The following SNX10 variants were observed in gnomAD, a reference collection of about 807,000 sequenced individuals.
SNX10 encodes the protein sorting nexin 10.
Under a neutral mutation model 28.5 loss-of-function variants are expected in SNX10, and 25 were observed. That is an observed-to-expected ratio of 0.88 (90% CI 0.64 to 1.22). The LOEUF (loss-of-function observed/expected upper bound fraction) is 1.22, where lower values mean the gene tolerates loss of function less well. Among genes scored for constraint, SNX10 ranks in the 50% most tolerant of loss-of-function variants. The pLI, the probability that SNX10 is intolerant of heterozygous loss-of-function variation, is 0.00. For synonymous variants in SNX10, 62 were observed against 81.4 expected (o/e 0.76, Z 1.28); for missense variants, 223 against 242.6 (o/e 0.92, Z 0.54).
intron 2 of SNX10, among the ~76,000 whole-genome samples, chr7:26,350,944 CT>C (rs371600901): frequency 1.9e-4 from 29 of 149,206 alleles, no homozygotes; most frequent in African/African-American, 3.2e-4. Flanking sequence ...ATCTTCATTC[CT>C]TTTTTTTTTC....
intron 3 of SNX10, among the ~76,000 whole-genome samples, chr7:26,361,450 A>G (rs1375706002): frequency 6.6e-6 from 1 of 152,226 alleles, no homozygotes; most frequent in Non-Finnish European, 1.5e-5. Context: ...TCTTTGGAAA[A>G]GAGATGTGTG....
chr7:26,367,047 A>T (rs1789319527), intron 5 of SNX10, among the ~76,000 whole-genome samples: 1 of 152,128 alleles, frequency 6.6e-6, no homozygotes, highest in Non-Finnish European at 1.5e-5. Flanking sequence ...TTCTAGCTGC[A>T]TGTGAGCCTT....
At chr7:26,354,278 C>T (rs1039494627) in intron 2 of SNX10, 2 of 152,098 alleles carry the variant, frequency 1.3e-5, no homozygotes, top group Admixed American at 1.3e-4. Context: ...CATCTGTATG[C>T]CCTATTTGGG....
intron 1 of SNX10, among the ~76,000 whole-genome samples, chr7:26,324,110 C>T (rs1787407145): frequency 6.6e-6 from 1 of 152,142 alleles, no homozygotes; most frequent in African/African-American, 2.4e-5. Context: ...GATCCTGAAG[C>T]AGCCTGAATG....
chr7:26,352,522 TTATTAACTC>T (rs1157638333), intron 2 of SNX10, among the ~76,000 whole-genome samples: 1 of 152,364 alleles, frequency 6.6e-6, no homozygotes, highest in South Asian at 2.1e-4. Flanking sequence ...TACTAACTCA[TTATTAACTC>T]ATAGCCGAGC....
At chr7:26,347,707 GGGCGTAGT>G (rs1369195417) in intron 2 of SNX10, among the ~76,000 whole-genome samples, 4 of 152,082 alleles carry the variant, frequency 2.6e-5, no homozygotes, top group South Asian at 2.1e-4. Context: ...AAAATTAGCT[GGGCGTAGT>G]GGCATGCGTC....
At chr7:26,316,529 T>C (rs1275882172) in intron 1 of SNX10, among the ~76,000 whole-genome samples, 1 of 152,190 alleles carries the variant, frequency 6.6e-6, no homozygotes, top group Non-Finnish European at 1.5e-5. Context: ...GTAGTTCTGT[T>C]TTTTGGTTTT....
At chr7:26,371,336 A>G (rs1789524049) in intron 5 of SNX10, among the ~76,000 whole-genome samples, 1 of 152,114 alleles carries the variant, frequency 6.6e-6, no homozygotes, top group Non-Finnish European at 1.5e-5. Flanking sequence ...TAAGTATATA[A>G]CTGTAAAGTT....
intron 1 of SNX10, among the ~76,000 whole-genome samples, chr7:26,344,117 C>T (rs1250185343): frequency 6.6e-6 from 1 of 151,384 alleles, no homozygotes; most frequent in Non-Finnish European, 1.5e-5. Flanking sequence ...CACTCAGCTG[C>T]CCCCCACCCC....
At chr7:26,339,657 G>C (rs1372714320) in intron 1 of SNX10, among the ~76,000 whole-genome samples, 10 of 150,886 alleles carry the variant, frequency 6.6e-5, no homozygotes, top group African/African-American at 2.4e-4. Context: ...AGCCTCCCGA[G>C]TAGCTGGAAT....
At chr7:26,321,905 C>G (rs1787325052) in intron 1 of SNX10, among the ~76,000 whole-genome samples, 1 of 152,148 alleles carries the variant, frequency 6.6e-6, no homozygotes, top group Non-Finnish European at 1.5e-5. Context: ...GCCACTGTGC[C>G]TGGCTCCCAA....
intron 1 of SNX10, among the ~76,000 whole-genome samples, chr7:26,331,637 G>A (rs952906307): frequency 1.3e-5 from 2 of 152,136 alleles, no homozygotes; most frequent in African/African-American, 4.8e-5. Flanking sequence ...CAGCTCACTG[G>A]TGTTTGGTAT....
intron 1 of SNX10, among the ~76,000 whole-genome samples, chr7:26,320,314 A>T (rs1310061040): frequency 1.3e-5 from 2 of 152,122 alleles, no homozygotes; most frequent in Non-Finnish European, 2.9e-5. Flanking sequence ...AATATATAAA[A>T]AAAAGTTGTT....
chr7:26,350,206 C>G (rs1788542325), intron 2 of SNX10, among the ~76,000 whole-genome samples: 1 of 152,172 alleles, frequency 6.6e-6, no homozygotes, highest in African/African-American at 2.4e-5. Flanking sequence ...ACAGCAGCTT[C>G]TAGGCAACTC....
At chr7:26,296,123 A>G (rs1786099977) in intron 1 of SNX10, among the ~76,000 whole-genome samples, 1 of 151,938 alleles carries the variant, frequency 6.6e-6, no homozygotes, top group Non-Finnish European at 1.5e-5. Context: ...CAACAGAATT[A>G]GACTCTGTCT....
At chr7:26,349,518 C>T (rs1334164672) in intron 2 of SNX10, among the ~76,000 whole-genome samples, 3 of 152,136 alleles carry the variant, frequency 2.0e-5, no homozygotes, top group Non-Finnish European at 2.9e-5. Flanking sequence ...GAGCAGTATC[C>T]GAGCTGATGG....
intron 1 of SNX10, chr7:26,293,085 G>T (rs148041241): frequency 1.2e-3 from 176 of 152,440 alleles, no homozygotes; most frequent in African/African-American, 4.2e-3. Context: ...GGGCTCCTCA[G>T]TGAGAGAATG....
At chr7:26,370,625 G>C (rs545134070) in intron 5 of SNX10, 2 of 152,250 alleles carry the variant, frequency 1.3e-5, no homozygotes, top group East Asian at 3.9e-4. Flanking sequence ...TGTAGAAAAG[G>C]ATTTGGTATT....
At chr7:26,355,176 T>C (rs1788770451) in intron 2 of SNX10, among the ~76,000 whole-genome samples, 1 of 152,100 alleles carries the variant, frequency 6.6e-6, no homozygotes, top group South Asian at 2.1e-4. Flanking sequence ...GGTTTTCTGT[T>C]CTCTTTCACT....
Sources: allele counts gnomAD v4.1 joint callset (sites outside exome capture counted in the v4.1 genomes callset), GRCh38; gene constraint gnomAD v4.1.1; transcripts MANE v1.5; gene names NCBI Gene and HGNC (gene_info 2026-07-23, HGNC 2026-07-21).